The following LGALS9 variants were observed in gnomAD, a reference collection of about 807,000 sequenced individuals.
LGALS9 encodes galectin 9.
In LGALS9, 26 loss-of-function variants were observed where a neutral mutation model predicts 35.9. The observed-to-expected ratio is 0.72, with a 90% CI of 0.53 to 1.01. The LOEUF (loss-of-function observed/expected upper bound fraction) is 1.01. Among genes scored for constraint, LGALS9 ranks in the 50% least tolerant of loss-of-function variants. The pLI is 0.00. For missense variants in LGALS9, 347 were observed against 445.8 expected, an observed-to-expected ratio of 0.78 and a Z score of 1.99; for synonymous variants, 149 against 172.2, an observed-to-expected ratio of 0.87 and a Z score of 1.06.
Position 27,640,238 on chromosome 17 carries a change from C to T in LGALS9, c.132-334C>T, listed in dbSNP as rs190395261. The T allele has an allele frequency of 1.0e-5, 4 of 389,528 alleles. No individual in the cohort carries two copies. In the East Asian group the frequency reaches 2.5e-4, roughly 25 times the overall value. The allele number at this position is 389,528 out of a possible 1,614,324, so 24.1% of individuals were successfully genotyped here. On this transcript the variant is annotated intron_variant, in intron 2 of 10. Transcript: ENST00000395473. ...TGTCCACTGGCACAGAAGGCTCTCT[C>T]TTCTAGGTGTGCTTAACAACTTCCA...
Position 27,643,606 on chromosome 17 carries a change from G to C in LGALS9, c.526G>C (p.Gly176Arg). ...TGTCTGTTTCCCACCCAGGCCCAGG[G>C]GGCGCAGACAAAAAGTGAGTTCAAC... ...QPVCFPPRPRGRRQKPPGVWP... is the reference protein window; with the variant it reads ...QPVCFPPRPRRRRQKPPGVWP... Residue 176 changes from glycine to arginine, a missense_variant, in exon 5 of 11, where the codon GGG becomes CGG. Coordinates refer to ENST00000395473, the MANE Select transcript of LGALS9 (RefSeq NM_009587.3). The C allele has an allele frequency of 6.2e-7, 1 of 1,611,516 alleles. No homozygotes were observed. Among genetic ancestry groups the C allele is most frequent in the African/African-American group, 1.3e-5 (1 of 74,926 alleles).
At chr17:27,633,783 TGCCAGCCAGGGGCTCAGCACACAG>T (rs1341658915) in intron 1 of LGALS9, among the ~76,000 whole-genome samples, 1 of 152,148 alleles carries the variant, frequency 6.6e-6, no homozygotes, top group Non-Finnish European at 1.5e-5. Context: ...CTCAGAACGC[TGCCAGCCAGGGGCTCAGCACACAG>T]CGTTGCACCC....
chr17:27,647,878 C>T (rs181358545), intron 10 of LGALS9, among the ~76,000 whole-genome samples: 1 of 152,346 alleles, frequency 6.6e-6, no homozygotes, highest in East Asian at 1.9e-4. Flanking sequence ...AAAGCATGGA[C>T]AGATTGTCAC....
chr17:27,642,370 C>A (rs765977571), intron 4 of LGALS9, 22 bp downstream of exon 4: 3 of 1,611,644 alleles, frequency 1.9e-6, no homozygotes, highest in Non-Finnish European at 2.5e-6. Flanking sequence ...CACCTGGCAC[C>A]GGTCCCAGGG....
In LGALS9 at chr17:27,642,326, A is replaced by C; in HGVS notation, c.422A>C (p.Gln141Pro). Reference protein sequence around the residue: ...VDTISVNGSVQLSYISFQNPR... With the variant: ...VDTISVNGSVPLSYISFQNPR... ...ACCATCTCCGTCAATGGCTCTGTGC[A>C]GCTGTCCTACATCAGCTTCCAGGTC... is the stretch of plus-strand genomic sequence containing the variant. The change falls in exon 4 of 11, where the codon CAG (glutamine) becomes CCG (proline). Residue 141 changes from glutamine to proline, a missense_variant. Coordinates refer to ENST00000395473, the MANE Select transcript of LGALS9 (RefSeq NM_009587.3). The C allele has an allele frequency of 6.2e-7, 1 of 1,612,026 alleles. No individual in the cohort carries two copies. Among genetic ancestry groups the C allele is most frequent in the Non-Finnish European group, 8.5e-7 (1 of 1,179,812 alleles).
intron 9 of LGALS9, 35 bp from the exon 10 acceptor site, chr17:27,647,235 G>A (rs572214212): frequency 3.3e-5 from 54 of 1,613,410 alleles, no homozygotes; most frequent in Admixed American, 3.2e-4. Context: ...CTCAGAATTC[G>A]GTGGATAAAG....
rs560457634 is a variant in LGALS9, at chr17:27,649,166, G to A, written c.*184G>A. ...CCCTGGAACGGAGAAGGCAGCTGAC[G>A]GGGATTGCCTTCCTCAGCCGCAGCA... is the stretch of plus-strand genomic sequence containing the variant. On this transcript the variant is annotated 3_prime_UTR_variant, in exon 11 of 11. Transcript: ENST00000395473. 43 of 946,628 alleles carry A rather than the reference G, an allele frequency of 4.5e-5. 1 individual carries two copies. The Admixed American group carries it at 7.0e-4, about 15-fold the overall frequency. The allele number at this position is 946,628 out of a possible 1,614,324, so 58.6% of individuals were successfully genotyped here.
chr17:27,636,476 T>C (rs1018204437), intron 1 of LGALS9, among the ~76,000 whole-genome samples: 6 of 152,102 alleles, frequency 3.9e-5, no homozygotes, highest in Non-Finnish European at 7.4e-5. Context: ...ATATGGGAAT[T>C]TGGGGGGTTT....
chr17:27,642,116 T>C (rs1317471634), intron 3 of LGALS9, 122 bp from the exon 4 acceptor site: 2 of 1,505,316 alleles, frequency 1.3e-6, no homozygotes, highest in Non-Finnish European at 8.9e-7. Flanking sequence ...TTCCTGTAAC[T>C]GGCCCCACAC....
chr17:27,646,201 CG>C (rs1904928808), intron 7 of LGALS9, among the ~76,000 whole-genome samples: 1 of 152,072 alleles, frequency 6.6e-6, no homozygotes, highest in Non-Finnish European at 1.5e-5. Flanking sequence ...CCCCAGCACC[CG>C]GATGTGAGGT....
chr17:27,631,756 T>C (rs1389552826), intron 1 of LGALS9, among the ~76,000 whole-genome samples: 9 of 152,012 alleles, frequency 5.9e-5, no homozygotes. Context: ...GTGGGAATAA[T>C]ACTTGAGCCC....
At chr17:27,646,414 G>T (rs1904944520) in intron 7 of LGALS9, 133 bp from the exon 8 acceptor site, 3 of 1,385,994 alleles carry the variant, frequency 2.2e-6, no homozygotes, top group South Asian at 2.3e-5. Context: ...AGGTAGACGG[G>T]CGAGTCCAAG....
intron 3 of LGALS9, among the ~76,000 whole-genome samples, chr17:27,641,355 T>A (rs1003913065): frequency 1.3e-5 from 2 of 152,106 alleles, no homozygotes; most frequent in African/African-American, 4.8e-5. Flanking sequence ...GCTGCAGCCA[T>A]AAAAAGGAAT....
Position 27,645,765 on chromosome 17 carries a change from G to GC in LGALS9, c.577-91dup, listed in dbSNP as rs1368850730. 4.2e-6 allele frequency: 4 copies of GC among 950,550 alleles called. No individual in the cohort carries two copies. In the African/African-American group the frequency reaches 6.7e-5, roughly 16 times the overall value. 58.9% of individuals were successfully genotyped at this position (950,550 alleles called of 1,614,324 possible). A position where few individuals can be genotyped will look rare whatever the true frequency, so the allele number is the denominator to read the frequency against. ...TCTGTGGGGCCATTGGGCTTGTTAC[G>GC]CCCCCTGGAGGGTGCCTGCCGTGTG... is the stretch of plus-strand genomic sequence containing the variant. On this transcript the variant is annotated intron_variant, in intron 6 of 10. Transcript: ENST00000395473.
At chr17:27,636,983 C>T (rs1252034679) in intron 1 of LGALS9, among the ~76,000 whole-genome samples, 9 of 152,068 alleles carry the variant, frequency 5.9e-5, no homozygotes, top group Non-Finnish European at 1.3e-4. Flanking sequence ...CCCCACCACT[C>T]CCCCACCTGG....
intron 1 of LGALS9, among the ~76,000 whole-genome samples, chr17:27,633,325 C>T (rs949053919): frequency 2.0e-5 from 3 of 152,244 alleles, no homozygotes; most frequent in Admixed American, 6.5e-5. Context: ...CCACAGCAGC[C>T]TTAGCTGGTC....
intron 1 of LGALS9, among the ~76,000 whole-genome samples, chr17:27,631,887 G>C (rs185583596): frequency 6.6e-6 from 1 of 152,176 alleles, no homozygotes; most frequent in East Asian, 1.9e-4. Context: ...GAGGGCAGCA[G>C]GGAAGACCTC....
At chr17:27,643,678 C>T (rs1904700985) in intron 5 of LGALS9, 58 bp downstream of exon 5, 6 of 1,525,276 alleles carry the variant, frequency 3.9e-6, no homozygotes, top group South Asian at 2.6e-5. Flanking sequence ...GACCGAGGGT[C>T]TGAGAGGCTG....
In LGALS9 at chr17:27,645,160, G is replaced by A. The variant is rs577324104; in HGVS notation, c.541-154G>A. On this transcript the variant is annotated intron_variant, in intron 5 of 10. Coordinates refer to ENST00000395473, the MANE Select transcript of LGALS9 (RefSeq NM_009587.3). ...CTGGGGGTAAAAATCTGGGTGCCAC[G>A]GGCTCAGGAAGGCTTGCTTGGGAGC... 314 of 1,525,386 alleles carry A rather than the reference G, an allele frequency of 2.1e-4. No individual in the cohort carries two copies. In the East Asian group the frequency reaches 3.8e-3, roughly 18 times the overall value. 94.5% of individuals were successfully genotyped at this position (1,525,386 alleles called of 1,614,324 possible).
Sources: allele counts gnomAD v4.1 joint callset (sites outside exome capture counted in the v4.1 genomes callset), GRCh38; gene constraint gnomAD v4.1.1; transcripts MANE v1.5; gene names NCBI Gene and HGNC (gene_info 2026-07-23, HGNC 2026-07-21).